The following ZNF532 variants were observed in gnomAD, a reference collection of about 807,000 sequenced individuals.
The protein encoded by ZNF532 is zinc finger protein 532.
A neutral mutation model predicts 89.3 loss-of-function variants in ZNF532; 22 were observed. The observed-to-expected ratio is 0.25, with a 90% CI of 0.18 to 0.35. ZNF532 has a LOEUF of 0.35. ZNF532 is among the 10% of genes least tolerant of loss of function. The pLI, the probability that ZNF532 is intolerant of heterozygous loss-of-function variation, is 1.00. For synonymous variants in ZNF532, 606 were observed against 649.6 expected (o/e 0.93, Z 1.02); for missense variants, 1,132 against 1,643.4 (o/e 0.69, Z 5.38).
chr18:58,888,966 GT>G (rs1218211553), intron 2 of ZNF532, among the ~76,000 whole-genome samples: 4 of 125,758 alleles, frequency 3.2e-5, no homozygotes, highest in Non-Finnish European at 4.8e-5. Flanking sequence ...CAGCATTTAG[GT>G]TTTTTTGTTC....
chr18:58,934,896 C>T (rs1198608225), intron 4 of ZNF532, among the ~76,000 whole-genome samples: 1 of 152,108 alleles, frequency 6.6e-6, no homozygotes. Flanking sequence ...TTGACTGTAC[C>T]CTTTGTAGCA....
chr18:58,983,806 A>G (rs1425050461), intron 9 of ZNF532, among the ~76,000 whole-genome samples, 166 bp from the exon 10 acceptor site: 1 of 152,128 alleles, frequency 6.6e-6, no homozygotes, highest in Admixed American at 6.6e-5. Context: ...AGTGGAAGAA[A>G]GGCATGGGCC....
chr18:58,942,984 G>A (rs142689509), intron 5 of ZNF532, among the ~76,000 whole-genome samples: 218 of 152,230 alleles, frequency 1.4e-3, no homozygotes, highest in Admixed American at 2.6e-3. Flanking sequence ...CATGGCACAC[G>A]ATTGTTGTTT....
intron 2 of ZNF532, among the ~76,000 whole-genome samples, chr18:58,909,232 C>A (rs1027401740): frequency 6.6e-6 from 1 of 152,138 alleles, no homozygotes; most frequent in Non-Finnish European, 1.5e-5. Context: ...GGATTATAGG[C>A]GTGAGCCACC....
intron 7 of ZNF532, among the ~76,000 whole-genome samples, chr18:58,970,851 G>A (rs570132673): frequency 1.3e-5 from 2 of 152,344 alleles, no homozygotes; most frequent in South Asian, 2.1e-4. Context: ...ACCCCTGGTA[G>A]CCCCACCGTG....
intron 9 of ZNF532, among the ~76,000 whole-genome samples, chr18:58,982,482 G>A (rs536102712): frequency 5.9e-5 from 9 of 151,782 alleles, no homozygotes; most frequent in East Asian, 5.9e-4. Flanking sequence ...TTAGCCAGGC[G>A]TGGTGGTGCA....
At chr18:58,888,889 T>A (rs946384903) in intron 2 of ZNF532, among the ~76,000 whole-genome samples, 8 of 39,430 alleles carry the variant, frequency 2.0e-4, no homozygotes, top group African/African-American at 5.8e-4. Flanking sequence ...TATATATATA[T>A]TTTATATATA....
Position 58,895,935 on chromosome 18 carries a change from T to G in ZNF532, c.-17-22336T>G, listed in dbSNP as rs2059219445. On this transcript the variant is annotated intron_variant, in intron 2 of 9. Transcript: ENST00000591808. ...GCATGATCATAGCTCACTGGCAGCC[T>G]TGAGCTCCTGGCCTCAAACGGTCCT... Among the ~76,000 whole-genome samples, 3 of 151,938 alleles carry G rather than the reference T, an allele frequency of 2.0e-5. 1 individual carries two copies. In the South Asian group the frequency reaches 6.2e-4, roughly 32 times the overall value.
chr18:58,870,530 C>A (rs540075907), intron 2 of ZNF532, among the ~76,000 whole-genome samples: 1 of 152,168 alleles, frequency 6.6e-6, no homozygotes, highest in African/African-American at 2.4e-5. Context: ...CCTGATGAGG[C>A]CTTTTGGTGC....
intron 2 of ZNF532, among the ~76,000 whole-genome samples, chr18:58,904,891 G>C (rs1046905132): frequency 5.3e-5 from 8 of 151,004 alleles, no homozygotes; most frequent in Non-Finnish European, 1.0e-4. Flanking sequence ...ACCCAGGCTG[G>C]AGTGTAGTGG....
intron 3 of ZNF532, 48 bp downstream of exon 3, chr18:58,920,681 A>C (rs1225730943): frequency 1.3e-6 from 2 of 1,486,350 alleles, no homozygotes; most frequent in Admixed American, 4.2e-5. Flanking sequence ...GTCTGTAGGC[A>C]TGAGTGCTTG....
chr18:58,924,435 A>G (rs1157803980), intron 3 of ZNF532, among the ~76,000 whole-genome samples: 1 of 152,166 alleles, frequency 6.6e-6, no homozygotes, highest in Admixed American at 6.5e-5. Flanking sequence ...GCCACTGTTC[A>G]TGGTTCAGAA....
chr18:58,968,323 C>A (rs747733308), intron 7 of ZNF532, among the ~76,000 whole-genome samples: 1 of 152,218 alleles, frequency 6.6e-6, no homozygotes, highest in Non-Finnish European at 1.5e-5. Context: ...TAAAAACATT[C>A]CCATAGCCAG....
chr18:58,954,725 T>TTG (rs1555749296), intron 7 of ZNF532, among the ~76,000 whole-genome samples: 108 of 147,978 alleles, frequency 7.3e-4, no homozygotes, highest in Middle Eastern at 3.6e-3. Context: ...TTTTTTTTTT[T>TTG]TTTTTGAGAA....
chr18:58,892,093 A>G (rs918325750), intron 2 of ZNF532, among the ~76,000 whole-genome samples: 1 of 152,206 alleles, frequency 6.6e-6, no homozygotes, highest in Non-Finnish European at 1.5e-5. Context: ...ATTTAAGCGC[A>G]TGAGTAAATT....
At chr18:58,944,985 C>T (rs1288174582) in intron 5 of ZNF532, among the ~76,000 whole-genome samples, 1 of 152,166 alleles carries the variant, frequency 6.6e-6, no homozygotes, top group East Asian at 1.9e-4. Flanking sequence ...CTCCGTGCAG[C>T]CCCCCAGTCA....
At chr18:58,981,200 C>T (rs985157048) in intron 8 of ZNF532, 2 of 429,518 alleles carry the variant, frequency 4.7e-6, no homozygotes, top group Non-Finnish European at 8.5e-6. Flanking sequence ...ATGTGTTCAG[C>T]ATGGTGCTCA....
intron 2 of ZNF532, among the ~76,000 whole-genome samples, chr18:58,872,473 T>G (rs1203116185): frequency 6.6e-6 from 1 of 152,168 alleles, no homozygotes. Context: ...ATTAGATAGT[T>G]GAAAAACCTA....
intron 7 of ZNF532, among the ~76,000 whole-genome samples, chr18:58,974,248 G>A (rs2066796096): frequency 6.6e-6 from 1 of 152,120 alleles, no homozygotes; most frequent in Non-Finnish European, 1.5e-5. Flanking sequence ...GTCTCCTTAT[G>A]CAAGTATTAG....
Sources: allele counts gnomAD v4.1 joint callset (sites outside exome capture counted in the v4.1 genomes callset), GRCh38; gene constraint gnomAD v4.1.1; transcripts MANE v1.5; gene names NCBI Gene and HGNC (gene_info 2026-07-23, HGNC 2026-07-21).